Variants in ITPRID1 observed in about 807,000 individuals in gnomAD.
ITPRID1 encodes protein ITPRID1.
A neutral mutation model predicts 95.4 loss-of-function variants in ITPRID1; 96 were observed. The observed-to-expected ratio is 1.01, with a 90% CI of 0.85 to 1.19. ITPRID1 has a LOEUF of 1.19. Among genes scored for constraint, ITPRID1 ranks in the 50% most tolerant of loss-of-function variants. ITPRID1 has a pLI of 0.00. For synonymous variants in ITPRID1, 510 were observed against 453.6 expected (o/e 1.12, Z -1.58); for missense variants, 1,339 against 1,252.9 (o/e 1.07, Z -1.04).
At chr7:31,613,810 C>CTTTT (rs1562608606) in intron 10 of ITPRID1, among the ~76,000 whole-genome samples, 1 of 152,142 alleles carries the variant, frequency 6.6e-6, no homozygotes, top group African/African-American at 2.4e-5. Context: ...CCTTTGAATT[C>CTTTT]TTTTTGCCCT....
At chr7:31,616,253 G>A (rs1356636312) in intron 10 of ITPRID1, among the ~76,000 whole-genome samples, 1 of 152,072 alleles carries the variant, frequency 6.6e-6, no homozygotes, top group Non-Finnish European at 1.5e-5. Flanking sequence ...TAATTTAAAT[G>A]TAAGTTATTG....
chr7:31,642,864 A>C lies in ITPRID1; in HGVS notation c.1494A>C (p.Ser498=). The change falls in exon 12 of 15, where the codon TCA becomes TCC. Residue 498 remains serine, a synonymous_variant. Transcript: ENST00000615280. ...CGAATGCCTTGGAACAAAGGGCCTC[A>C]GTATCTGTGATGGAGGAAGAGTTTC... ...QEANALEQRA[S]VSVMEEEFLL... 1 of 1,614,022 alleles carries C rather than the reference A, an allele frequency of 6.2e-7. No individual in the cohort carries two copies. The highest frequency in any genetic ancestry group is 8.5e-7 in the Non-Finnish European group (1 of 1,179,892).
chr7:31,642,160 C>T lies in ITPRID1; in HGVS notation c.1229-16C>T. On this transcript the variant is annotated splice_polypyrimidine_tract_variant and intron_variant, in intron 10 of 14. Coordinates refer to ENST00000615280, the MANE Select transcript of ITPRID1 (RefSeq NM_001257967.3). ...GTTTTCCCTTTAATAACCTCAAGAC[C>T]TCTTTCATTCTGCAGGTGCCAGGGT... is the stretch of plus-strand genomic sequence containing the variant. 1.3e-6 allele frequency: 2 copies of T among 1,547,954 alleles called. No homozygotes were observed. The highest frequency in any genetic ancestry group is 1.7e-6 in the Non-Finnish European group (2 of 1,144,714).
chr7:31,643,461 C>A lies in ITPRID1; in HGVS notation c.2091C>A (p.Asn697Lys), dbSNP rs893040511. Residue 697 changes from asparagine (N) to lysine (K), a missense_variant, in exon 12 of 15, where the codon AAC (asparagine) becomes AAA (lysine). Physicochemically the swap from Asn to Lys is moderately conservative, Grantham distance 94. Coordinates refer to ENST00000615280, the MANE Select transcript of ITPRID1 (RefSeq NM_001257967.3). ...CTGGGACAGAAGCTGAGATGGAAAA[C>A]CTTCCTCTAAATACTGGCAGCTCCA... ...ILPGTEAEME[N>K]LPLNTGSSRS... 1.2e-6 allele frequency: 2 copies of A among 1,613,902 alleles called. No individual in the cohort carries two copies. The highest frequency in any genetic ancestry group is 2.7e-5 in the African/African-American group (2 of 74,938).
rs1791092086 is a variant in ITPRID1, at chr7:31,652,894, T to C, written c.*65T>C. 6.4e-7 allele frequency: 1 copy of C among 1,551,938 alleles called. No individual in the cohort carries two copies. The highest frequency in any genetic ancestry group is 8.7e-7 in the Non-Finnish European group (1 of 1,147,476). ...GCCCAGAACAGATGTAGCAAGGAAA[T>C]TTCAATTTTCCCCAAGGAGAAGGGT... On this transcript the variant is annotated 3_prime_UTR_variant, in exon 15 of 15. Transcript: ENST00000615280.
At chr7:31,615,139 T>TTAGAAAC (rs1787084878) in intron 10 of ITPRID1, among the ~76,000 whole-genome samples, 1 of 152,200 alleles carries the variant, frequency 6.6e-6, no homozygotes, top group African/African-American at 2.4e-5. Flanking sequence ...AACTTAGTCC[T>TTAGAAAC]TAGAAACAAG....
intron 9 of ITPRID1, among the ~76,000 whole-genome samples, chr7:31,579,706 A>G (rs1444363213): frequency 1.3e-5 from 2 of 152,172 alleles, no homozygotes; most frequent in African/African-American, 2.4e-5. Context: ...GCATCCCACA[A>G]AGATATAAAA....
chr7:31,631,370 T>G (rs1788979221), intron 10 of ITPRID1, among the ~76,000 whole-genome samples: 2 of 152,224 alleles, frequency 1.3e-5, no homozygotes, highest in African/African-American at 4.8e-5. Context: ...AAATGTGTAT[T>G]AGGATTATTA....
chr7:31,556,495 G>A (rs914043596), intron 5 of ITPRID1, among the ~76,000 whole-genome samples: 27 of 152,226 alleles, frequency 1.8e-4, no homozygotes, highest in African/African-American at 5.5e-4. Context: ...GCAGGTGGAG[G>A]AATGGAGGCC....
chr7:31,645,597 T>TCAC (rs1790393581), intron 12 of ITPRID1, among the ~76,000 whole-genome samples: 1 of 151,906 alleles, frequency 6.6e-6, no homozygotes, highest in Non-Finnish European at 1.5e-5. Context: ...ATAACCATCA[T>TCAC]CACCACCACC....
chr7:31,578,019 G>T lies in ITPRID1; in HGVS notation c.755G>T (p.Arg252Ile). 6.2e-7 allele frequency: 1 copy of T among 1,613,872 alleles called. No homozygotes were observed. The highest frequency in any genetic ancestry group is 8.5e-7 in the Non-Finnish European group (1 of 1,179,862). ...SVSAAKEHRR[R>I]MGKLLRRASK... ...AGTGCCGCCAAAGAGCATCGAAGAAGAATGGGTAAACTCTTAAGGAGAGCT... is the reference window on the plus strand; with the variant it reads ...AGTGCCGCCAAAGAGCATCGAAGAATAATGGGTAAACTCTTAAGGAGAGCT... The change falls in exon 9 of 15, where the codon AGA becomes ATA. Residue 252 changes from arginine (R) to isoleucine (I), a missense_variant. By Grantham distance (97) the Arg-to-Ile change is moderately conservative. Coordinates refer to ENST00000615280, the MANE Select transcript of ITPRID1 (RefSeq NM_001257967.3).
At chr7:31,571,894 T>C (rs1175568843) in intron 6 of ITPRID1, among the ~76,000 whole-genome samples, 1 of 152,194 alleles carries the variant, frequency 6.6e-6, no homozygotes, top group African/African-American at 2.4e-5. Flanking sequence ...AATGCTTAAA[T>C]TCTTACACCT....
intron 10 of ITPRID1, among the ~76,000 whole-genome samples, chr7:31,631,637 A>G (rs1789007933): frequency 2.6e-5 from 4 of 152,206 alleles, no homozygotes; most frequent in Admixed American, 6.5e-5. Context: ...TTGACTGAAG[A>G]ACAAAGGGAC....
chr7:31,526,237 C>T (rs898203390), intron 1 of ITPRID1, among the ~76,000 whole-genome samples: 3 of 152,196 alleles, frequency 2.0e-5, no homozygotes, highest in South Asian at 2.1e-4. Flanking sequence ...GAAAGTGTAT[C>T]GCAGTTGGTA....
chr7:31,616,865 T>TA (rs898957594), intron 10 of ITPRID1, among the ~76,000 whole-genome samples: 1 of 151,528 alleles, frequency 6.6e-6, no homozygotes, highest in African/African-American at 2.4e-5. Context: ...TCTTAACAGA[T>TA]ACCAGATACC....
chr7:31,562,338 A>T (rs1393239583), intron 5 of ITPRID1, among the ~76,000 whole-genome samples: 3 of 152,180 alleles, frequency 2.0e-5, no homozygotes, highest in Non-Finnish European at 4.4e-5. Flanking sequence ...CTACAGCAAA[A>T]AGACAGTTTC....
chr7:31,616,618 G>T (rs1472502707), intron 10 of ITPRID1, among the ~76,000 whole-genome samples: 1 of 152,116 alleles, frequency 6.6e-6, no homozygotes, highest in African/African-American at 2.4e-5. Context: ...TGTTATTTCA[G>T]CTTTAGAAAT....
chr7:31,583,829 C>T (rs1256387131), intron 10 of ITPRID1, among the ~76,000 whole-genome samples: 1 of 152,122 alleles, frequency 6.6e-6, no homozygotes, highest in Non-Finnish European at 1.5e-5. Flanking sequence ...TTTTTCACTC[C>T]TTCTACCAAC....
intron 1 of ITPRID1, among the ~76,000 whole-genome samples, chr7:31,541,400 G>C (rs1483834170): frequency 6.6e-6 from 1 of 152,132 alleles, no homozygotes; most frequent in Non-Finnish European, 1.5e-5. Flanking sequence ...GAGCTTTATA[G>C]CTGATTTTAA....
Sources: gnomAD v4.1 joint callset for allele counts (sites outside exome capture counted in the v4.1 genomes callset) on GRCh38, gnomAD v4.1.1 for gene constraint, MANE v1.5 for transcripts, NCBI Gene and HGNC (gene_info 2026-07-23, HGNC 2026-07-21) for gene names.